Variants in HIP1 observed in about 807,000 individuals in gnomAD.
HIP1 encodes huntingtin interacting protein 1.
A neutral mutation model predicts 147.6 loss-of-function variants in HIP1; 65 were observed. The ratio of observed to expected loss-of-function variants is 0.44; its 90% CI spans 0.36 to 0.54. HIP1 has a LOEUF of 0.54. Ranked by LOEUF, HIP1 falls within the 20% of genes least tolerant of loss-of-function variation. HIP1 has a pLI of 0.00. For synonymous variants in HIP1, 479 were observed against 504.0 expected, an observed-to-expected ratio of 0.95 and a Z score of 0.67; for missense variants, 1,061 against 1,299.6, an observed-to-expected ratio of 0.82 and a Z score of 2.82.
At chr7:75,630,344 A>G (rs1417127799) in intron 1 of HIP1, among the ~76,000 whole-genome samples, 1 of 151,600 alleles carries the variant, frequency 6.6e-6, no homozygotes, top group Non-Finnish European at 1.5e-5. Context: ...CTGTAGTCCC[A>G]ACTACTCGGG....
At chr7:75,555,245 CAG>C (rs797040375) in intron 19 of HIP1, among the ~76,000 whole-genome samples, 169 bp downstream of exon 19, 2 of 135,516 alleles carry the variant, frequency 1.5e-5, no homozygotes, top group African/African-American at 5.2e-5. Context: ...CACTAATGCA[CAG>C]AGTTTCCACA....
intron 1 of HIP1, among the ~76,000 whole-genome samples, chr7:75,728,636 G>C (rs550607345): frequency 3.3e-4 from 50 of 151,818 alleles, no homozygotes; most frequent in African/African-American, 1.2e-3. Context: ...GTGCCCAAGT[G>C]GGGCAGGGAA....
At chr7:75,670,215 A>G (rs569191679) in intron 1 of HIP1, among the ~76,000 whole-genome samples, 2 of 152,124 alleles carry the variant, frequency 1.3e-5, no homozygotes, top group East Asian at 3.9e-4. Flanking sequence ...TGGTGGTACA[A>G]TCACAGTTCA....
Position 75,541,913 on chromosome 7 carries a change from T to C in HIP1, c.2952+6A>G, listed in dbSNP as rs1794338182. 1 of 1,602,582 alleles carries C rather than the reference T, an allele frequency of 6.2e-7. No individual in the cohort carries two copies. Among genetic ancestry groups the C allele is most frequent in the Non-Finnish European group, 8.6e-7 (1 of 1,169,448 alleles). On this transcript the variant is annotated splice_donor_region_variant and intron_variant, in intron 29 of 30. Coordinates refer to ENST00000336926, the MANE Select transcript of HIP1 (RefSeq NM_005338.7). ...GGCTATCTAGACTTACAGATGGAGC[T>C]CTCACCTGAGAATCCATCTCTTGGC...
chr7:75,686,036 C>T (rs925233089), intron 1 of HIP1, among the ~76,000 whole-genome samples: 2 of 152,098 alleles, frequency 1.3e-5, no homozygotes, highest in South Asian at 2.1e-4. Flanking sequence ...GCTGGGATTA[C>T]GGGTGTGTGC....
chr7:75,645,055 C>T (rs1001406200), intron 1 of HIP1, among the ~76,000 whole-genome samples: 15 of 152,224 alleles, frequency 9.9e-5, no homozygotes, highest in Non-Finnish European at 1.8e-4. Flanking sequence ...AAAGGTGCAG[C>T]GTCACTCAGG....
At chr7:75,684,447 CAAAAAAAA>C (rs59055803) in intron 1 of HIP1, among the ~76,000 whole-genome samples, 5 of 43,832 alleles carry the variant, frequency 1.1e-4, no homozygotes, top group African/African-American at 4.1e-4. Flanking sequence ...GACTCCGTCT[CAAAAAAAA>C]AAAAAAAAAA....
At chr7:75,570,649 C>G (rs926405467) in intron 8 of HIP1, among the ~76,000 whole-genome samples, 1 of 151,994 alleles carries the variant, frequency 6.6e-6, no homozygotes, top group Non-Finnish European at 1.5e-5. Flanking sequence ...ACTGGGTATA[C>G]GAGAACTCTC....
chr7:75,667,940 A>C (rs782031183), intron 1 of HIP1, among the ~76,000 whole-genome samples: 82 of 152,344 alleles, frequency 5.4e-4, no homozygotes, highest in Non-Finnish European at 9.7e-4. Flanking sequence ...CAAATTCCAA[A>C]TCAGGAGATG....
intron 2 of HIP1, among the ~76,000 whole-genome samples, chr7:75,598,075 G>C (rs1444670088): frequency 1.3e-5 from 2 of 152,162 alleles, no homozygotes; most frequent in Non-Finnish European, 1.5e-5. Context: ...CGAAGGTAGA[G>C]AGCCCCTGCC....
At chr7:75,556,849 T>C in intron 16 of HIP1, 38 bp from the exon 17 acceptor site, 2 of 1,198,532 alleles carry the variant, frequency 1.7e-6, no homozygotes, top group South Asian at 2.5e-5. Context: ...CTGATCTGGG[T>C]GACAGTGACA....
At chr7:75,546,901 G>A in intron 25 of HIP1, 38 bp downstream of exon 25, 1 of 1,415,730 alleles carries the variant, frequency 7.1e-7, no homozygotes. Context: ...TGTCACCAAT[G>A]CCTCCTCTTC....
intron 8 of HIP1, among the ~76,000 whole-genome samples, chr7:75,569,291 A>G (rs1184540232): frequency 6.6e-6 from 1 of 152,086 alleles, no homozygotes; most frequent in Non-Finnish European, 1.5e-5. Context: ...GAACACATGT[A>G]TAAAACATGA....
intron 1 of HIP1, among the ~76,000 whole-genome samples, chr7:75,616,757 A>G (rs782317574): frequency 6.6e-6 from 1 of 152,208 alleles, no homozygotes; most frequent in Non-Finnish European, 1.5e-5. Context: ...ATGTCCACAC[A>G]TACAGAGGCT....
intron 1 of HIP1, among the ~76,000 whole-genome samples, chr7:75,616,070 A>C (rs1797643150): frequency 8.6e-6 from 1 of 116,116 alleles, no homozygotes; most frequent in Non-Finnish European, 1.7e-5. Context: ...TGGGCGACAG[A>C]GTAAGACTCT....
intron 1 of HIP1, among the ~76,000 whole-genome samples, chr7:75,685,712 C>T (rs889412441): frequency 2.6e-5 from 4 of 152,180 alleles, no homozygotes; most frequent in African/African-American, 9.7e-5. Context: ...CCACGCCCGG[C>T]TAATTTTTGT....
chr7:75,541,702 GA>G lies in HIP1; in HGVS notation c.2952+216del, dbSNP rs1177076199. 3.0e-4 allele frequency among the ~76,000 whole-genome samples: 37 copies of G among 123,758 alleles called. 1 individual carries two copies. Among genetic ancestry groups the G allele is most frequent in the Non-Finnish European group, 1.7e-5 (1 of 58,234 alleles). The allele number at this position is 123,758 out of a possible 152,430, so 81.2% of individuals were successfully genotyped here. ...CAGGACGAGACTCCGTCTCAAAAAAGAAAAAAAACAAAACAAGACAAACAAA... is the reference window on the plus strand; with the variant it reads ...CAGGACGAGACTCCGTCTCAAAAAAGAAAAAAACAAAACAAGACAAACAAA... On this transcript the variant is annotated intron_variant, in intron 29 of 30. Transcript: ENST00000336926.
rs1554493433 is a variant in HIP1, at chr7:75,556,742, C to T, written c.1651G>A (p.Val551Ile). The T allele has an allele frequency of 6.2e-7, 1 of 1,613,328 alleles. No individual in the cohort carries two copies. Among genetic ancestry groups the T allele is most frequent in the South Asian group, 1.1e-5 (1 of 91,060 alleles). ...ELATSQRELQ[V>I]LQGSLETSAQ... Reference sequence around the variant, plus strand: ...GAAGTTTCCAGGCTGCCTTGCAGAACCTGAAGCTCCCGTTGGCTTGTGGCA... The same window carrying T: ...GAAGTTTCCAGGCTGCCTTGCAGAATCTGAAGCTCCCGTTGGCTTGTGGCA... Residue 551 changes from valine (V) to isoleucine (I), a missense_variant, in exon 17 of 31, where the codon GTT becomes ATT. Around this residue, in one of 3 missense-constraint regions of HIP1, gnomAD observed 810 missense variants for 946.8 expected, o/e 0.86. Coordinates refer to ENST00000336926, the MANE Select transcript of HIP1 (RefSeq NM_005338.7).
At chr7:75,591,824 C>T (rs1408826547) in intron 4 of HIP1, among the ~76,000 whole-genome samples, 1 of 151,916 alleles carries the variant, frequency 6.6e-6, no homozygotes, top group Non-Finnish European at 1.5e-5. Context: ...TTTTCATTGG[C>T]AGGAGAAGCT....
Sources: gnomAD v4.1 joint callset for allele counts (sites outside exome capture counted in the v4.1 genomes callset) on GRCh38, gnomAD v4.1.1 for gene constraint, gnomAD v4.1.1 regional missense constraint, MANE v1.5 for transcripts, NCBI Gene and HGNC (gene_info 2026-07-23, HGNC 2026-07-21) for gene names.